Variants in PLCH1 observed in about 807,000 individuals in gnomAD.
PLCH1 encodes 1-phosphatidylinositol 4,5-bisphosphate phosphodiesterase eta-1.
In PLCH1, 60 loss-of-function variants were observed where a neutral mutation model predicts 126.7. The ratio of observed to expected loss-of-function variants is 0.47; its 90% CI spans 0.38 to 0.59. PLCH1 has a LOEUF of 0.59. PLCH1 is among the 20% of genes least tolerant of loss of function. The pLI is 0.00. For missense variants in PLCH1, 1,723 were observed against 2,040.0 expected (o/e 0.84, Z 2.99); for synonymous variants, 719 against 734.9 (o/e 0.98, Z 0.35).
chr3:155,632,212 CA>C (rs1738136376), intron 2 of PLCH1, among the ~76,000 whole-genome samples: 1 of 152,132 alleles, frequency 6.6e-6, no homozygotes, highest in African/African-American at 2.4e-5. Context: ...TTACAACTAC[CA>C]AAAAGCTACA....
intron 2 of PLCH1, among the ~76,000 whole-genome samples, chr3:155,689,476 C>A (rs1206539021): frequency 6.6e-6 from 1 of 151,958 alleles, no homozygotes; most frequent in Non-Finnish European, 1.5e-5. Context: ...AGATATATGA[C>A]CTTTCACATA....
At chr3:155,528,645 A>G (rs1722281063) in intron 10 of PLCH1, among the ~76,000 whole-genome samples, 1 of 152,282 alleles carries the variant, frequency 6.6e-6, no homozygotes, top group African/African-American at 2.4e-5. Flanking sequence ...TCTACAGAAT[A>G]GAAATAAATA....
intron 13 of PLCH1, 149 bp from the exon 14 acceptor site, chr3:155,500,943 T>C (rs898767909): frequency 3.3e-6 from 2 of 607,566 alleles, no homozygotes; most frequent in African/African-American, 3.7e-5. Flanking sequence ...TGCTTCAGCA[T>C]TAATAACAAG....
At chr3:155,564,646 A>G (rs1388864669) in intron 8 of PLCH1, among the ~76,000 whole-genome samples, 1 of 152,192 alleles carries the variant, frequency 6.6e-6, no homozygotes, top group African/African-American at 2.4e-5. Flanking sequence ...AATTAAAAAT[A>G]TCTTTCTAGG....
chr3:155,469,441 G>A lies in PLCH1; in HGVS notation c.2938+15915C>T, dbSNP rs536539450. On this transcript the variant is annotated intron_variant, in intron 21 of 21. Coordinates refer to the PLCH1 transcript ENST00000494598. ...GAGGGTCCTACGCCCATGGAGTCTCGCTGATTGCTAGCACAGCAGTCTGAG... is the reference window on the plus strand; with the variant it reads ...GAGGGTCCTACGCCCATGGAGTCTCACTGATTGCTAGCACAGCAGTCTGAG... Among the ~76,000 whole-genome samples the A allele has an allele frequency of 4.5e-4, 69 of 152,120 alleles. 1 individual carries two copies. The highest frequency in any genetic ancestry group is 1.4e-3 in the African/African-American group (58 of 41,406).
At chr3:155,572,730 CT>C (rs1484914502) in intron 6 of PLCH1, among the ~76,000 whole-genome samples, 1 of 150,212 alleles carries the variant, frequency 6.7e-6, no homozygotes, top group Non-Finnish European at 1.5e-5. Context: ...TCGTGGCATC[CT>C]TTTATTTCTT....
chr3:155,632,599 T>C (rs1228274656), intron 2 of PLCH1, among the ~76,000 whole-genome samples: 6 of 152,340 alleles, frequency 3.9e-5, no homozygotes, highest in Non-Finnish European at 7.4e-5. Context: ...CACTTTAAAA[T>C]GACTGCTCAC....
intron 15 of PLCH1, among the ~76,000 whole-genome samples, chr3:155,496,937 C>A (rs997508860): frequency 6.6e-6 from 1 of 152,202 alleles, no homozygotes; most frequent in Non-Finnish European, 1.5e-5. Flanking sequence ...GTGATTTTAG[C>A]CAATTAATTT....
intron 2 of PLCH1, among the ~76,000 whole-genome samples, chr3:155,667,993 G>A (rs866474018): frequency 4.8e-5 from 7 of 145,626 alleles, no homozygotes; most frequent in Non-Finnish European, 1.0e-4. Context: ...GCTAAGGCAG[G>A]ATAATTGCTT....
intron 2 of PLCH1, among the ~76,000 whole-genome samples, chr3:155,633,331 C>T (rs947533797): frequency 7.2e-6 from 1 of 138,426 alleles, no homozygotes; most frequent in Non-Finnish European, 1.5e-5. Flanking sequence ...CTCCTTGAAA[C>T]AGTTTAGTTT....
chr3:155,667,690 G>A (rs1742884977), intron 2 of PLCH1, among the ~76,000 whole-genome samples: 1 of 151,888 alleles, frequency 6.6e-6, no homozygotes, highest in Non-Finnish European at 1.5e-5. Flanking sequence ...TTTCTCCATT[G>A]TGTTAATATT....
intron 1 of PLCH1, among the ~76,000 whole-genome samples, chr3:155,705,182 C>G (rs565009529): frequency 6.6e-6 from 1 of 152,206 alleles, no homozygotes; most frequent in South Asian, 2.1e-4. Flanking sequence ...ATTTTGTAAA[C>G]GTATCCCAGG....
At chr3:155,598,383 A>G (rs1315220886) in intron 2 of PLCH1, among the ~76,000 whole-genome samples, 1 of 152,194 alleles carries the variant, frequency 6.6e-6, no homozygotes, top group African/African-American at 2.4e-5. Flanking sequence ...TAAAGGTTCA[A>G]GACAAAACCA....
chr3:155,567,019 A>G (rs1728622833), intron 7 of PLCH1, among the ~76,000 whole-genome samples: 1 of 152,152 alleles, frequency 6.6e-6, no homozygotes. Flanking sequence ...AAGTTAGTTT[A>G]TCATCTCTGG....
At chr3:155,572,798 G>A (rs545764203) in intron 6 of PLCH1, among the ~76,000 whole-genome samples, 9 of 151,936 alleles carry the variant, frequency 5.9e-5, no homozygotes, top group South Asian at 4.2e-4. Context: ...CAGTCATGGC[G>A]CACTGCAGCC....
chr3:155,707,850 A>G (rs577360383), intron 1 of PLCH1, among the ~76,000 whole-genome samples: 12 of 152,164 alleles, frequency 7.9e-5, no homozygotes, highest in Non-Finnish European at 1.8e-4. Flanking sequence ...ACAGACATAT[A>G]TGTAATATTC....
chr3:155,593,846 A>G (rs116432020), intron 4 of PLCH1, 95 bp downstream of exon 4: 19 of 1,297,584 alleles, frequency 1.5e-5, no homozygotes, highest in Non-Finnish European at 2.0e-5. Context: ...AATTATGGGA[A>G]AAATTAAAAC....
At chr3:155,617,056 A>G (rs955618785) in intron 2 of PLCH1, among the ~76,000 whole-genome samples, 22 of 152,160 alleles carry the variant, frequency 1.4e-4, no homozygotes, top group Non-Finnish European at 4.4e-5. Context: ...TTATATCCAT[A>G]TAAATGTGTT....
intron 2 of PLCH1, among the ~76,000 whole-genome samples, chr3:155,640,178 A>C (rs1739243767): frequency 6.6e-6 from 1 of 152,212 alleles, no homozygotes; most frequent in African/African-American, 2.4e-5. Flanking sequence ...ATTTCCAAAC[A>C]TGCCAAAGCA....
Sources: allele counts gnomAD v4.1 joint callset (sites outside exome capture counted in the v4.1 genomes callset), GRCh38; gene constraint gnomAD v4.1.1; transcripts MANE v1.5; gene names NCBI Gene and HGNC (gene_info 2026-07-23, HGNC 2026-07-21).